ADH7: variants seen among roughly 807,000 people sequenced by gnomAD.
ADH7 encodes the protein all-trans-retinol dehydrogenase [NAD(+)] ADH7.
In ADH7, 41 loss-of-function variants were observed where a neutral mutation model predicts 34.4. The observed-to-expected ratio is 1.19, with a 90% CI of 0.93 to 1.55. ADH7 has a LOEUF of 1.55. Among genes scored for constraint, ADH7 ranks in the 40% most tolerant of loss-of-function variants. The pLI is 0.00. For missense variants in ADH7, 540 were observed against 461.2 expected, an observed-to-expected ratio of 1.17 and a Z score of -1.56; for synonymous variants, 180 against 160.9, an observed-to-expected ratio of 1.12 and a Z score of -0.90.
intron 7 of ADH7, among the ~76,000 whole-genome samples, chr4:99,416,195 A>G (rs1288866053): frequency 1.3e-5 from 2 of 152,170 alleles, no homozygotes; most frequent in Non-Finnish European, 1.5e-5. Context: ...TCTGATACCC[A>G]CATCTCCTTC....
intron 3 of ADH7, 104 bp downstream of exon 3, chr4:99,428,388 T>G: frequency 7.2e-7 from 1 of 1,394,116 alleles, no homozygotes; most frequent in Non-Finnish European, 9.8e-7. Context: ...ATTCCCTGAA[T>G]TGTGTTAAGG....
chr4:99,423,395 T>A (rs962277230), intron 5 of ADH7, among the ~76,000 whole-genome samples: 4 of 151,836 alleles, frequency 2.6e-5, no homozygotes, highest in African/African-American at 7.2e-5. Context: ...ATATACCCAG[T>A]AATGGGATGG....
intron 1 of ADH7, 185 bp downstream of exon 1, chr4:99,435,031 G>A (rs986796047): frequency 1.3e-6 from 2 of 1,540,590 alleles, no homozygotes; most frequent in Admixed American, 2.0e-5. Flanking sequence ...ACTTACCCCT[G>A]CTTCCACTGA....
chr4:99,413,349 G>T (rs1560558826), intron 8 of ADH7, among the ~76,000 whole-genome samples, 177 bp from the exon 9 acceptor site: 1 of 152,094 alleles, frequency 6.6e-6, no homozygotes. Context: ...CTCTGATAAG[G>T]GTATCTGAGC....
intron 3 of ADH7, 42 bp from the exon 4 acceptor site, chr4:99,428,216 G>T: frequency 6.5e-7 from 1 of 1,535,334 alleles, no homozygotes; most frequent in South Asian, 1.1e-5. Context: ...GTTCATTAAT[G>T]TTAAAATATG....
intron 5 of ADH7, among the ~76,000 whole-genome samples, chr4:99,426,180 G>T (rs572542779): frequency 6.6e-6 from 1 of 152,086 alleles, no homozygotes; most frequent in Admixed American, 6.6e-5. Context: ...ACATTCAAAA[G>T]CTAGCAGAAG....
intron 3 of ADH7, 101 bp from the exon 4 acceptor site, chr4:99,428,275 A>G: frequency 1.5e-6 from 2 of 1,310,992 alleles, no homozygotes; most frequent in Non-Finnish European, 2.2e-6. Context: ...AACTTTTAAA[A>G]ATATATTCTA....
At chr4:99,418,492 C>T (rs1721574063) in intron 7 of ADH7, among the ~76,000 whole-genome samples, 1 of 152,096 alleles carries the variant, frequency 6.6e-6, no homozygotes, top group Non-Finnish European at 1.5e-5. Context: ...CTCCATCTCT[C>T]CTAAAACAAT....
chr4:99,413,709 A>G (rs181218536), intron 8 of ADH7, among the ~76,000 whole-genome samples: 34 of 152,358 alleles, frequency 2.2e-4, no homozygotes, highest in Admixed American at 1.4e-3. Context: ...AATGTATTTT[A>G]ATACAGAAGG....
intron 1 of ADH7, among the ~76,000 whole-genome samples, chr4:99,431,870 A>G (rs1322447978): frequency 6.6e-6 from 1 of 152,232 alleles, no homozygotes; most frequent in Non-Finnish European, 1.5e-5. Context: ...TGATGGTGGG[A>G]AGGTTAATTA....
At chr4:99,415,880 C>T (rs923376755) in intron 7 of ADH7, 2 of 237,414 alleles carry the variant, frequency 8.4e-6, no homozygotes, top group Admixed American at 5.1e-5. Context: ...GAACAAAAAA[C>T]CAAACACCGC....
chr4:99,430,004 T>C (rs1286920947), intron 1 of ADH7, among the ~76,000 whole-genome samples: 3 of 152,236 alleles, frequency 2.0e-5, no homozygotes, highest in African/African-American at 4.8e-5. Context: ...AAAATTGTCC[T>C]TTGTGTATCG....
At chr4:99,416,309 C>G (rs1721514748) in intron 7 of ADH7, among the ~76,000 whole-genome samples, 1 of 151,982 alleles carries the variant, frequency 6.6e-6, no homozygotes, top group Non-Finnish European at 1.5e-5. Flanking sequence ...TTCCTCTCAC[C>G]CTCTCTGAGC....
intron 5 of ADH7, 36 bp from the exon 6 acceptor site, chr4:99,420,829 TA>T (rs749050939): frequency 6.2e-7 from 1 of 1,600,236 alleles, no homozygotes; most frequent in Non-Finnish European, 8.5e-7. Flanking sequence ...TGTTAGGTGT[TA>T]GGGTCAAAAA....
intron 5 of ADH7, among the ~76,000 whole-genome samples, chr4:99,421,783 A>T (rs1473737644): frequency 6.6e-6 from 1 of 152,248 alleles, no homozygotes; most frequent in Non-Finnish European, 1.5e-5. Context: ...AGAATTTACA[A>T]GGAACTTAAA....
chr4:99,415,398 G>C (rs1419726769), intron 8 of ADH7, 80 bp downstream of exon 8: 2 of 1,399,398 alleles, frequency 1.4e-6, no homozygotes, highest in Non-Finnish European at 2.0e-6. Context: ...AAAATATGAA[G>C]AAAACAGGCA....
At chr4:99,415,133 C>T (rs2860159) in intron 8 of ADH7, among the ~76,000 whole-genome samples, 2,232 of 152,192 alleles carry the variant, frequency 0.015, 54 homozygotes, top group African/African-American at 0.05. Flanking sequence ...GGGCTCTTCC[C>T]GCTTTGCTCG....
chr4:99,419,744 C>T (rs1409017159), intron 6 of ADH7, among the ~76,000 whole-genome samples: 2 of 152,070 alleles, frequency 1.3e-5, no homozygotes, highest in Admixed American at 6.6e-5. Context: ...GCTTCAAAAA[C>T]TTATGACCTA....
intron 5 of ADH7, among the ~76,000 whole-genome samples, chr4:99,423,043 A>C: frequency 1.0e-5 from 1 of 99,828 alleles, no homozygotes. Flanking sequence ...CCACCCCACA[A>C]CAGTCTCCAG....
Sources: allele counts gnomAD v4.1 joint callset (sites outside exome capture counted in the v4.1 genomes callset), GRCh38; gene constraint gnomAD v4.1.1; transcripts MANE v1.5; gene names NCBI Gene and HGNC (gene_info 2026-07-23, HGNC 2026-07-21).